Variants in DENND1C observed in about 807,000 individuals in gnomAD.
DENND1C encodes DENN domain-containing protein 1C.
A neutral mutation model predicts 87.9 loss-of-function variants in DENND1C; 64 were observed. The ratio of observed to expected loss-of-function variants is 0.73; its 90% CI spans 0.60 to 0.90. The LOEUF (loss-of-function observed/expected upper bound fraction) is 0.90, where lower values mean the gene tolerates loss of function less well. Ranked by LOEUF, DENND1C falls within the 40% of genes least tolerant of loss-of-function variation. The pLI, the probability that DENND1C is intolerant of heterozygous loss-of-function variation, is 0.00. For missense variants in DENND1C, 980 were observed against 1,037.0 expected, an observed-to-expected ratio of 0.95 and a Z score of 0.76; for synonymous variants, 384 against 424.4, an observed-to-expected ratio of 0.90 and a Z score of 1.17.
chr19:6,475,143 C>T, intron 14 of DENND1C, 131 bp downstream of exon 14: 1 of 1,436,188 alleles, frequency 7.0e-7, no homozygotes. Context: ...GCAATTCTCC[C>T]ATCTCGGCAT....
chr19:6,479,216 AATCTCTGGGTCCCTGG>A, intron 4 of DENND1C, 160 bp from the exon 5 acceptor site: 2 of 1,061,900 alleles, frequency 1.9e-6, no homozygotes, highest in Non-Finnish European at 2.6e-6. Flanking sequence ...TGGGTCCCTG[AATCTCTGGGTCCCTGG>A]ATCTCTGGGT....
At chr19:6,477,036 G>A (rs2092865456) in intron 9 of DENND1C, 38 bp downstream of exon 9, 14 of 1,613,242 alleles carry the variant, frequency 8.7e-6, no homozygotes, top group Non-Finnish European at 1.1e-5. Context: ...CCGGGTTTCG[G>A]GACCTGTTCT....
rs769732407 is a variant in DENND1C, at chr19:6,471,318, G to T, written c.1250-13C>A. 3.8e-6 allele frequency: 6 copies of T among 1,597,444 alleles called. No homozygotes were observed. The Admixed American group carries it at 1.1e-4, about 28-fold the overall frequency. ...GATCGAAGGGCCCCTGGGGTAAGGAGAGAGTGTGGTGGTCACCGAAGGCTG... is the reference window on the plus strand; with the variant it reads ...GATCGAAGGGCCCCTGGGGTAAGGATAGAGTGTGGTGGTCACCGAAGGCTG... On this transcript the variant is annotated splice_polypyrimidine_tract_variant and intron_variant, in intron 16 of 22. Transcript: ENST00000381480.
chr19:6,471,326 G>C (rs1284219007), intron 16 of DENND1C, 21 bp from the exon 17 acceptor site: 1 of 1,596,188 alleles, frequency 6.3e-7, no homozygotes, highest in Admixed American at 1.8e-5. Context: ...GAGAGAGTGT[G>C]GTGGTCACCG....
rs561189703 is a variant in DENND1C, at chr19:6,479,275, T to C, written c.177-219A>G. Among the ~76,000 whole-genome samples the C allele has an allele frequency of 1.8e-3, 253 of 140,568 alleles. 1 individual carries two copies. The highest frequency in any genetic ancestry group is 7.4e-3 in the African/African-American group (241 of 32,548). 92.2% of individuals were successfully genotyped at this position (140,568 alleles called of 152,430 possible). ...TCCCTGGGTCCCTGGATCTCTGGGT[T>C]TCTGGATCTCTGGGTCCTTGAATCC... On this transcript the variant is annotated intron_variant, in intron 4 of 22. Transcript: ENST00000381480.
At chr19:6,471,837 T>A (rs2092831202) in intron 15 of DENND1C, among the ~76,000 whole-genome samples, 2 of 152,132 alleles carry the variant, frequency 1.3e-5, no homozygotes, top group South Asian at 4.1e-4. Context: ...GAGACAGGGT[T>A]TCCCCATGTT....
chr19:6,473,456 GT>G lies in DENND1C; in HGVS notation c.1054-464del, dbSNP rs1206263146. Among the ~76,000 whole-genome samples the G allele has an allele frequency of 6.9e-3, 534 of 77,830 alleles. 8 individuals are homozygous for G. The highest frequency in any genetic ancestry group is 0.017 in the Middle Eastern group (3 of 176). 51.1% of individuals were successfully genotyped at this position (77,830 alleles called of 152,430 possible). Reference sequence around the variant, plus strand: ...GTGTGAGCCACCGCGCCCAGCCCTGGTTTTTTTTTTTTTTTTTTTCATTTCT... The same window carrying G: ...GTGTGAGCCACCGCGCCCAGCCCTGGTTTTTTTTTTTTTTTTTTCATTTCT... On this transcript the variant is annotated intron_variant, in intron 14 of 22. Transcript: ENST00000381480.
Position 6,471,433 on chromosome 19 carries a change from CCTG to C in DENND1C, c.1219_1221del (p.Gln407del). ...GAGGAGGCCCCGCAGCCAGTGATCT[CCTG>C]CTCGAATTGATCTGAGAAGCCCTCC... is the stretch of plus-strand genomic sequence containing the variant. On this transcript the variant is annotated inframe_deletion, in exon 16 of 23. Coordinates refer to ENST00000381480, the MANE Select transcript of DENND1C (RefSeq NM_024898.4). 1 of 1,587,650 alleles carries C rather than the reference CCTG, an allele frequency of 6.3e-7. No individual in the cohort carries two copies. The highest frequency in any genetic ancestry group is 2.3e-5 in the East Asian group (1 of 43,528).
chr19:6,470,621 T>G (rs907033193), intron 17 of DENND1C, among the ~76,000 whole-genome samples: 7 of 43,772 alleles, frequency 1.6e-4, no homozygotes, highest in East Asian at 1.5e-3. Flanking sequence ...TTTTTTTTTG[T>G]TTTTTTTTTT....
intron 14 of DENND1C, among the ~76,000 whole-genome samples, chr19:6,475,037 AAAACAAAC>A (rs74173089): frequency 0.04 from 5,980 of 151,142 alleles, 383 homozygotes; most frequent in African/African-American, 0.14. Flanking sequence ...CTCTGTCTCA[AAAACAAAC>A]AAACAAACAA....
At chr19:6,477,552 G>A in intron 6 of DENND1C, 94 bp from the exon 7 acceptor site, 1 of 1,072,716 alleles carries the variant, frequency 9.3e-7, no homozygotes, top group Non-Finnish European at 1.4e-6. Flanking sequence ...TCTGGGAGGA[G>A]CCAAGGGCTC....
At chr19:6,477,011 T>G (rs369696018) in intron 9 of DENND1C, 44 bp from the exon 10 acceptor site, 2 of 1,613,364 alleles carry the variant, frequency 1.2e-6, no homozygotes, top group African/African-American at 1.3e-5. Context: ...GGCCCCTGGA[T>G]CTTGCATCCC....
At chr19:6,477,052 C>T (rs764130063) in intron 9 of DENND1C, 22 bp downstream of exon 9, 3 of 1,610,920 alleles carry the variant, frequency 1.9e-6, no homozygotes, top group Non-Finnish European at 2.5e-6. Flanking sequence ...GTTCTCACCC[C>T]CAGAGACCCC....
At chr19:6,476,120 C>T in intron 10 of DENND1C, 183 bp from the exon 11 acceptor site, 1 of 613,028 alleles carries the variant, frequency 1.6e-6, no homozygotes, top group East Asian at 2.9e-5. Flanking sequence ...ACTTACAGTG[C>T]TTTAAGCGGG....
At chr19:6,470,583 T>C (rs947972556) in intron 17 of DENND1C, among the ~76,000 whole-genome samples, 6 of 151,588 alleles carry the variant, frequency 4.0e-5, no homozygotes, top group African/African-American at 1.5e-4. Context: ...TGTTTTTGTT[T>C]TTTTTGAGAT....
At chr19:6,469,483 T>G in intron 19 of DENND1C, 113 bp downstream of exon 19, 1 of 1,016,064 alleles carries the variant, frequency 9.8e-7, no homozygotes, top group East Asian at 2.6e-5. Context: ...AAGGCCCCAC[T>G]ATATTGCCCA....
chr19:6,469,030 T>TA, intron 19 of DENND1C, 77 bp from the exon 20 acceptor site: 2 of 822,214 alleles, frequency 2.4e-6, no homozygotes, highest in Non-Finnish European at 3.3e-6. Flanking sequence ...CTTTAGTTAG[T>TA]CTTTTTTTTT....
Position 6,471,288 on chromosome 19 carries a change from G to C in DENND1C, c.1267C>G (p.Gln423Glu), listed in dbSNP as rs2092827732. Residue 423 changes from glutamine to glutamate, a missense_variant, in exon 17 of 23, where the codon CAG (glutamine) becomes GAG (glutamate). Transcript: ENST00000381480. ...ACCTTTAGATTGTCGGCCCAGAGCT[G>C]ATAGGATCGAAGGGCCCCTGGGGTA... ...GASSGALRSY[Q>E]LWADNLKKGG... 6.3e-7 allele frequency: 1 copy of C among 1,597,002 alleles called. No individual in the cohort carries two copies. Among genetic ancestry groups the C allele is most frequent in the Non-Finnish European group, 8.5e-7 (1 of 1,171,782 alleles).
rs2092867937 is a variant in DENND1C at position 6,477,288 on chromosome 19, G to A, written c.448-5C>T. On this transcript the variant is annotated splice_polypyrimidine_tract_variant and splice_region_variant and intron_variant, in intron 7 of 22. Coordinates refer to ENST00000381480, the MANE Select transcript of DENND1C (RefSeq NM_024898.4). ...GGAGACCGTCACTCCGCTGCCCTGGGGAAGAGGCACGACTCTGTGGTCATG... is the reference window on the plus strand; with the variant it reads ...GGAGACCGTCACTCCGCTGCCCTGGAGAAGAGGCACGACTCTGTGGTCATG... 4 of 1,593,674 alleles carry A rather than the reference G, an allele frequency of 2.5e-6. No homozygotes were observed. In the African/African-American group the frequency reaches 5.4e-5, roughly 21 times the overall value.
Sources: gnomAD v4.1 joint callset for allele counts (sites outside exome capture counted in the v4.1 genomes callset) on GRCh38, gnomAD v4.1.1 for gene constraint, MANE v1.5 for transcripts, NCBI Gene and HGNC (gene_info 2026-07-23, HGNC 2026-07-21) for gene names.